CDH12: variants seen among roughly 807,000 people sequenced by gnomAD.
CDH12 encodes cadherin-12.
A neutral mutation model predicts 74.1 loss-of-function variants in CDH12; 41 were observed. The ratio of observed to expected loss-of-function variants is 0.55; its 90% CI spans 0.43 to 0.72. The LOEUF is 0.72. Among genes scored for constraint, CDH12 ranks in the 30% least tolerant of loss-of-function variants. The pLI is 0.00. For missense variants in CDH12, 945 were observed against 977.2 expected, an observed-to-expected ratio of 0.97 and a Z score of 0.44; for synonymous variants, 399 against 355.0, an observed-to-expected ratio of 1.12 and a Z score of -1.39.
chr5:22,715,716 G>A (rs386785), intron 1 of CDH12, among the ~76,000 whole-genome samples: 41,186 of 150,284 alleles, frequency 0.27, 5,747 homozygotes, highest in South Asian at 0.31. Context: ...CAGGAGAATC[G>A]CTTGAACCCA....
rs116471689 is a variant in CDH12 at position 22,169,341 on chromosome 5, C to T, written c.-187+43157G>A. ...CAATCACACTAACCTGCTTACTGAG[C>T]CAAAGTTCTTCCTTACAGTTGAGAA... On this transcript the variant is annotated intron_variant, in intron 4 of 14. Transcript: ENST00000382254. Among the ~76,000 whole-genome samples, 731 of 152,104 alleles carry T rather than the reference C, an allele frequency of 4.8e-3. 5 individuals are homozygous for T. The highest frequency in any genetic ancestry group is 0.027 in the Middle Eastern group (8 of 294).
At chr5:22,328,900 T>C (rs973980221) in intron 3 of CDH12, among the ~76,000 whole-genome samples, 1 of 151,974 alleles carries the variant, frequency 6.6e-6, no homozygotes, top group Admixed American at 6.6e-5. Flanking sequence ...GTTGGAAGAA[T>C]AAGAAGCCAC....
intron 6 of CDH12, among the ~76,000 whole-genome samples, chr5:21,968,076 A>G (rs1046047741): frequency 6.6e-6 from 1 of 152,216 alleles, no homozygotes; most frequent in African/African-American, 2.4e-5. Context: ...AAATTTGTAG[A>G]AAGGGCAATG....
In CDH12 at chr5:22,135,433, G is replaced by T. The variant is rs1746408312; in HGVS notation, c.-186-56571C>A. On this transcript the variant is annotated intron_variant, in intron 4 of 14. Coordinates refer to ENST00000382254, the MANE Select transcript of CDH12 (RefSeq NM_004061.5). ...AAGTTAAGGATCTAAGCGTATAACA[G>T]ATTTTTCTGTCATATTTCATAAGAG... is the stretch of plus-strand genomic sequence containing the variant. Among the ~76,000 whole-genome samples the T allele has an allele frequency of 2.6e-5, 4 of 151,984 alleles. No individual in the cohort carries two copies. The South Asian group carries it at 8.3e-4, about 32-fold the overall frequency.
intron 1 of CDH12, among the ~76,000 whole-genome samples, chr5:22,712,654 AT>A (rs1561595753): frequency 6.6e-6 from 1 of 152,084 alleles, no homozygotes. Flanking sequence ...TATATTTATT[AT>A]TTTTTGTCCT....
intron 1 of CDH12, among the ~76,000 whole-genome samples, chr5:22,702,679 T>C (rs377274552): frequency 7.2e-5 from 11 of 152,114 alleles, no homozygotes; most frequent in African/African-American, 2.4e-4. Context: ...ATCTAGTCTA[T>C]CAAATCTCTT....
intron 3 of CDH12, among the ~76,000 whole-genome samples, chr5:22,248,999 G>A (rs1001069075): frequency 3.3e-5 from 5 of 151,478 alleles, no homozygotes; most frequent in Non-Finnish European, 5.9e-5. Flanking sequence ...ACCTTTTACC[G>A]TTCTGTAAAT....
intron 2 of CDH12, among the ~76,000 whole-genome samples, chr5:22,451,988 A>C (rs1365205723): frequency 6.6e-6 from 1 of 151,966 alleles, no homozygotes; most frequent in East Asian, 1.9e-4. Context: ...TATCTACACA[A>C]AAAATTACCT....
intron 1 of CDH12, among the ~76,000 whole-genome samples, chr5:22,572,580 T>C (rs1262834556): frequency 6.6e-6 from 1 of 152,116 alleles, no homozygotes; most frequent in Non-Finnish European, 1.5e-5. Flanking sequence ...TTTAAAACTG[T>C]CTAAAAAGCA....
At chr5:22,767,286 C>T (rs982152925) in intron 1 of CDH12, among the ~76,000 whole-genome samples, 1 of 151,844 alleles carries the variant, frequency 6.6e-6, no homozygotes, top group Non-Finnish European at 1.5e-5. Flanking sequence ...CTGAAATTAG[C>T]TTGGACTTTG....
intron 1 of CDH12, among the ~76,000 whole-genome samples, chr5:22,727,947 T>G (rs1377421185): frequency 2.0e-5 from 3 of 151,830 alleles, no homozygotes; most frequent in African/African-American, 7.2e-5. Flanking sequence ...GAAAAGTTGT[T>G]GAGTTTTTTC....
chr5:21,986,436 A>T (rs1272408451), intron 5 of CDH12, among the ~76,000 whole-genome samples: 1 of 152,190 alleles, frequency 6.6e-6, no homozygotes, highest in Non-Finnish European at 1.5e-5. Flanking sequence ...TCAAAGTGTC[A>T]CAATATGTGA....
chr5:21,971,888 T>C (rs2150119960), intron 6 of CDH12, among the ~76,000 whole-genome samples: 1 of 152,270 alleles, frequency 6.6e-6, no homozygotes, highest in Admixed American at 6.5e-5. Context: ...GTAACAGAAG[T>C]CAGTAACGGA....
At chr5:22,657,249 T>C (rs954683337) in intron 1 of CDH12, among the ~76,000 whole-genome samples, 1 of 152,148 alleles carries the variant, frequency 6.6e-6, no homozygotes, top group Admixed American at 6.5e-5. Context: ...AGGGGATGTG[T>C]AAGCATTGAT....
intron 3 of CDH12, among the ~76,000 whole-genome samples, chr5:22,400,600 C>A (rs1216409802): frequency 6.6e-6 from 1 of 151,826 alleles, no homozygotes; most frequent in Non-Finnish European, 1.5e-5. Context: ...CTGGCCTGTG[C>A]TTGGGTACTG....
chr5:22,785,514 GT>G (rs199882331), intron 1 of CDH12, among the ~76,000 whole-genome samples: 5 of 151,880 alleles, frequency 3.3e-5, no homozygotes, highest in Non-Finnish European at 5.9e-5. Context: ...GTTGTTGGTG[GT>G]TTTTTGTTTT....
chr5:22,568,815 G>A (rs781111708), intron 1 of CDH12, among the ~76,000 whole-genome samples: 2 of 152,066 alleles, frequency 1.3e-5, no homozygotes, highest in African/African-American at 2.4e-5. Flanking sequence ...TTATGTGTGC[G>A]ATAGTATGAT....
chr5:21,985,591 G>A (rs2431919), intron 5 of CDH12, among the ~76,000 whole-genome samples: 39,502 of 151,962 alleles, frequency 0.26, 7,689 homozygotes, highest in African/African-American at 0.55. Flanking sequence ...TACACACAGG[G>A]TTTACTCATT....
At chr5:22,629,741 G>C (rs1490262172) in intron 1 of CDH12, among the ~76,000 whole-genome samples, 1 of 152,042 alleles carries the variant, frequency 6.6e-6, no homozygotes, top group East Asian at 1.9e-4. Context: ...GTTTAATGTA[G>C]TACTGGAAAT....
Sources: allele counts gnomAD v4.1 joint callset (sites outside exome capture counted in the v4.1 genomes callset), GRCh38; gene constraint gnomAD v4.1.1; transcripts MANE v1.5; gene names NCBI Gene and HGNC (gene_info 2026-07-23, HGNC 2026-07-21).